Variants in PIK3C2G observed in about 807,000 individuals in gnomAD.
The protein encoded by PIK3C2G is phosphatidylinositol-4-phosphate 3-kinase catalytic subunit type 2 gamma, also known as phosphatidylinositol 3-kinase C2 domain-containing subunit gamma.
PIK3C2G carries 168 observed loss-of-function variants against 181.1 expected under a neutral mutation model. That is an observed-to-expected ratio of 0.93 (90% CI 0.82 to 1.05). The LOEUF (loss-of-function observed/expected upper bound fraction) is 1.05, where lower values mean the gene tolerates loss of function less well. Ranked by LOEUF, PIK3C2G falls within the 50% of genes least tolerant of loss-of-function variation. The pLI, the probability that PIK3C2G is intolerant of heterozygous loss-of-function variation, is 0.00. For missense variants in PIK3C2G, 1,869 were observed against 1,732.8 expected, an observed-to-expected ratio of 1.08 and a Z score of -1.40; for synonymous variants, 573 against 592.2, an observed-to-expected ratio of 0.97 and a Z score of 0.47.
chr12:18,543,735 T>C (rs1459506132), intron 25 of PIK3C2G, among the ~76,000 whole-genome samples: 1 of 151,962 alleles, frequency 6.6e-6, no homozygotes, highest in African/African-American at 2.4e-5. Flanking sequence ...CTCTATTTTG[T>C]TCCATTGGCC....
intron 18 of PIK3C2G, among the ~76,000 whole-genome samples, chr12:18,479,924 T>C (rs1361405040): frequency 6.6e-6 from 1 of 152,180 alleles, no homozygotes; most frequent in Non-Finnish European, 1.5e-5. Context: ...CTCCATGCTC[T>C]TGTAATATTA....
chr12:18,378,319 C>T (rs957089402), intron 13 of PIK3C2G, among the ~76,000 whole-genome samples: 1 of 151,858 alleles, frequency 6.6e-6, no homozygotes, highest in Admixed American at 6.6e-5. Flanking sequence ...TGAGTTCCCC[C>T]CCCCGTAACT....
intron 18 of PIK3C2G, among the ~76,000 whole-genome samples, chr12:18,480,765 G>A (rs1357219836): frequency 6.6e-6 from 1 of 152,054 alleles, no homozygotes; most frequent in African/African-American, 2.4e-5. Context: ...ATTAAAGGTG[G>A]ATATAAATAT....
At chr12:18,532,889 T>G (rs1441423989) in intron 24 of PIK3C2G, among the ~76,000 whole-genome samples, 7 of 151,712 alleles carry the variant, frequency 4.6e-5, no homozygotes, top group African/African-American at 1.2e-4. Context: ...TGCTGTTTTT[T>G]TTTTTTTTTT....
rs539763798 is a variant in PIK3C2G, at chr12:18,373,746, G to A, written c.1880+2435G>A. The stretch of plus-strand genomic sequence containing the variant: ...CAGGTGCCTGTAGTCCCAGCTACTC[G>A]GGAGGCTGAGGCAGGAGAATGGCGT... On this transcript the variant is annotated intron_variant, in intron 13 of 32. Transcript: ENST00000538779. 6.4e-4 allele frequency among the ~76,000 whole-genome samples: 98 copies of A among 152,078 alleles called. 2 individuals are homozygous for A. In the South Asian group the frequency reaches 0.019, roughly 29 times the overall value.
At chr12:18,553,558 C>A (rs1944847026) in intron 26 of PIK3C2G, among the ~76,000 whole-genome samples, 1 of 152,082 alleles carries the variant, frequency 6.6e-6, no homozygotes, top group Non-Finnish European at 1.5e-5. Flanking sequence ...ACTAGCTGAA[C>A]TTGTAGCATG....
intron 5 of PIK3C2G, among the ~76,000 whole-genome samples, chr12:18,303,143 C>CTTTCTTTCTT (rs1452204860): frequency 3.8e-5 from 2 of 52,274 alleles, no homozygotes; most frequent in African/African-American, 1.8e-4. Context: ...TCTTTCTTTT[C>CTTTCTTTCTT]TTTTCTTTCT....
intron 29 of PIK3C2G, among the ~76,000 whole-genome samples, chr12:18,585,839 C>A (rs2136447273): frequency 6.6e-6 from 1 of 152,160 alleles, no homozygotes; most frequent in South Asian, 2.1e-4. Flanking sequence ...CAGAATGATA[C>A]CAAACACTTT....
intron 18 of PIK3C2G, among the ~76,000 whole-genome samples, chr12:18,467,860 C>T (rs1005244399): frequency 3.3e-5 from 5 of 151,874 alleles, no homozygotes; most frequent in Admixed American, 6.6e-5. Flanking sequence ...TAGCACATGC[C>T]CAATAACCTA....
chr12:18,495,596 G>T (rs143732433), intron 20 of PIK3C2G, among the ~76,000 whole-genome samples: 73 of 152,180 alleles, frequency 4.8e-4, no homozygotes, highest in African/African-American at 1.7e-3. Context: ...CAGCAAATTA[G>T]TTATAAAGCT....
intron 18 of PIK3C2G, among the ~76,000 whole-genome samples, chr12:18,469,614 A>G (rs1938253499): frequency 1.3e-5 from 2 of 151,888 alleles, no homozygotes; most frequent in Non-Finnish European, 2.9e-5. Context: ...ATTTTCTTAC[A>G]ACTAATTTCC....
chr12:18,659,281 A>G, the PIK3C2G span, among the ~76,000 whole-genome samples: 3 of 152,226 alleles, frequency 2.0e-5, no homozygotes, highest in Admixed American at 6.5e-5. Flanking sequence ...GATAAATACT[A>G]TCACTAGTCC....
intron 6 of PIK3C2G, among the ~76,000 whole-genome samples, chr12:18,317,565 G>A (rs1291820723): frequency 6.6e-6 from 1 of 152,028 alleles, no homozygotes; most frequent in African/African-American, 2.4e-5. Flanking sequence ...ATATAATGAA[G>A]TCCTATGGAG....
At chr12:18,527,283 CATA>C (rs1943290436) in intron 24 of PIK3C2G, among the ~76,000 whole-genome samples, 1 of 152,144 alleles carries the variant, frequency 6.6e-6, no homozygotes, top group African/African-American at 2.4e-5. Flanking sequence ...GTCTCCTAAA[CATA>C]AGCTTAGTAT....
intron 30 of PIK3C2G, among the ~76,000 whole-genome samples, chr12:18,597,358 C>G (rs559437657): frequency 3.9e-5 from 6 of 152,022 alleles, no homozygotes; most frequent in African/African-American, 1.4e-4. Context: ...AAAGTAACAA[C>G]TTTCTTAGGT....
chr12:18,375,221 A>C (rs1942352189), intron 13 of PIK3C2G, among the ~76,000 whole-genome samples: 1 of 152,218 alleles, frequency 6.6e-6, no homozygotes, highest in South Asian at 2.1e-4. Context: ...CAAAATGCTG[A>C]TAGTGATATA....
At chr12:18,287,263 C>T (rs1336287058) in intron 3 of PIK3C2G, among the ~76,000 whole-genome samples, 2 of 151,836 alleles carry the variant, frequency 1.3e-5, no homozygotes, top group Non-Finnish European at 2.9e-5. Flanking sequence ...CTCTGGCTAA[C>T]CCCCAAATTA....
chr12:18,698,317 A>T, the PIK3C2G span, among the ~76,000 whole-genome samples: 2 of 151,762 alleles, frequency 1.3e-5, no homozygotes, highest in Non-Finnish European at 1.5e-5. Context: ...ATCCCATTCC[A>T]TTCTACTCTA....
the PIK3C2G span, among the ~76,000 whole-genome samples, chr12:18,679,384 A>G: frequency 6.6e-6 from 1 of 152,014 alleles, no homozygotes; most frequent in African/African-American, 2.4e-5. Flanking sequence ...GACTACAAAG[A>G]TATTCTATCT....
Sources: allele counts gnomAD v4.1 joint callset (sites outside exome capture counted in the v4.1 genomes callset), GRCh38; gene constraint gnomAD v4.1.1; transcripts MANE v1.5; gene names NCBI Gene and HGNC (gene_info 2026-07-23, HGNC 2026-07-21).